Variants in C10orf143 observed in about 807,000 individuals in gnomAD.
C10orf143 encodes the protein chromosome 10 open reading frame 143.
intron 1 of C10orf143, among the ~76,000 whole-genome samples, chr10:130,088,033 ATG>A (rs1332699121): frequency 6.6e-6 from 1 of 152,250 alleles, no homozygotes; most frequent in East Asian, 1.9e-4. Context: ...TATGTATTAC[ATG>A]TGTTAACACG....
At chr10:130,083,708 T>C (rs1861244318) in intron 1 of C10orf143, among the ~76,000 whole-genome samples, 2 of 152,196 alleles carry the variant, frequency 1.3e-5, no homozygotes, top group Non-Finnish European at 2.9e-5. Flanking sequence ...GGACACTATC[T>C]GCTCATTTCT....
intron 3 of C10orf143, among the ~76,000 whole-genome samples, chr10:130,075,711 C>A (rs1241916982): frequency 6.6e-6 from 1 of 152,070 alleles, no homozygotes; most frequent in Non-Finnish European, 1.5e-5. Flanking sequence ...GGGCGGACTT[C>A]CCCTTGCTGT....
chr10:130,060,594 C>T (rs565070576), downstream of C10orf143, among the ~76,000 whole-genome samples: 426 of 145,810 alleles, frequency 2.9e-3, no homozygotes, highest in Non-Finnish European at 5.2e-3. Context: ...GAGGCCAAGG[C>T]GGATGGATCA....
chr10:130,049,535 G>C (rs955701607), intron 3 of C10orf143, among the ~76,000 whole-genome samples: 1 of 152,218 alleles, frequency 6.6e-6, no homozygotes, highest in Non-Finnish European at 1.5e-5. Context: ...CCGGGAAGAT[G>C]CTTGAGTACC....
At chr10:130,063,622 G>T (rs1860881459), downstream of C10orf143, among the ~76,000 whole-genome samples, 3 of 152,182 alleles carry the variant, frequency 2.0e-5, no homozygotes, top group African/African-American at 4.8e-5. Flanking sequence ...TATAGAGGGG[G>T]CTCTTCCCAC....
At chr10:130,053,381 A>G (rs1485872232) in intron 3 of C10orf143, among the ~76,000 whole-genome samples, 1 of 152,198 alleles carries the variant, frequency 6.6e-6, no homozygotes, top group African/African-American at 2.4e-5. Context: ...AAAGTTGCTA[A>G]GTTTTTATAC....
intron 3 of C10orf143, among the ~76,000 whole-genome samples, chr10:130,055,358 G>C (rs1035189781): frequency 3.3e-5 from 5 of 152,136 alleles, no homozygotes; most frequent in Non-Finnish European, 7.3e-5. Context: ...CCACATATCT[G>C]ATAAAAGGTC....
intron 1 of C10orf143, chr10:130,101,280 A>G (rs890231978): frequency 1.3e-5 from 2 of 152,112 alleles, no homozygotes; most frequent in African/African-American, 2.4e-5. Context: ...GATGAAAACT[A>G]TAAACCCAGA....
intron 3 of C10orf143, among the ~76,000 whole-genome samples, chr10:130,055,755 C>T (rs1489036753): frequency 6.6e-6 from 1 of 151,784 alleles, no homozygotes; most frequent in Admixed American, 6.6e-5. Flanking sequence ...ACCAGCCTGG[C>T]CAACATGGTG....
At position 130,039,412 on chromosome 10, in the gene C10orf143, C is replaced by T. The variant is rs145551767; in HGVS notation, c.298-3442G>A. 6.7e-3 allele frequency among the ~76,000 whole-genome samples: 1,025 copies of T among 152,100 alleles called. 8 individuals are homozygous for T. The highest frequency in any genetic ancestry group is 0.01 in the Non-Finnish European group (709 of 68,006). ...AGTGTGAGTCTGAAGACTGGAAAAC[C>T]AGGAGCACCAGCATCCGAGGGCAGG... On this transcript the variant is annotated intron_variant and NMD_transcript_variant, in intron 3 of 5. Transcript: ENST00000643056.
At chr10:130,071,099 A>T (rs1343083953) in intron 3 of C10orf143, among the ~76,000 whole-genome samples, 1 of 152,032 alleles carries the variant, frequency 6.6e-6, no homozygotes, top group African/African-American at 2.4e-5. Context: ...TTGTATTTTT[A>T]GTAGAGATGA....
intron 3 of C10orf143, among the ~76,000 whole-genome samples, chr10:130,070,356 G>A (rs1368473299): frequency 2.0e-5 from 3 of 152,190 alleles, no homozygotes; most frequent in Non-Finnish European, 2.9e-5. Context: ...CCACATGCAC[G>A]TCACAGTGCA....
intron 1 of C10orf143, among the ~76,000 whole-genome samples, chr10:130,084,396 T>C (rs1343837073): frequency 6.6e-6 from 1 of 152,194 alleles, no homozygotes; most frequent in African/African-American, 2.4e-5. Context: ...AATCCTGTAC[T>C]CTAGCTAGTA....
rs572895238 is a variant in C10orf143, at chr10:130,108,212, G to A, written c.69+2492C>T. On this transcript the variant is annotated intron_variant, in intron 1 of 3. Transcript: ENST00000637128. The stretch of plus-strand genomic sequence containing the variant: ...ACCTCCTTTCCCCCCACCTCCTCCA[G>A]GAACCAGGTTTGGAGCTTCTCGAGA... 2.9e-5 allele frequency: 45 copies of A among 1,557,522 alleles called. No homozygotes were observed. The African/African-American group carries it at 6.1e-4, about 21-fold the overall frequency.
At chr10:130,106,733 G>T in intron 1 of C10orf143, 1 of 1,258,434 alleles carries the variant, frequency 7.9e-7, no homozygotes, top group East Asian at 2.3e-5. Flanking sequence ...GCAAGAAGCT[G>T]AAGTATGGAA....
chr10:130,039,374 C>T (rs968797474), intron 3 of C10orf143, among the ~76,000 whole-genome samples: 5 of 152,124 alleles, frequency 3.3e-5, no homozygotes, highest in African/African-American at 4.8e-5. Flanking sequence ...GGGGAGTCCG[C>T]CACGTGAGTC....
chr10:130,047,275 G>A (rs1474894009), intron 3 of C10orf143, among the ~76,000 whole-genome samples: 1 of 152,242 alleles, frequency 6.6e-6, no homozygotes, highest in Non-Finnish European at 1.5e-5. Context: ...TTTCCATGGA[G>A]TAAAGTGCTA....
Position 130,080,410 on chromosome 10 carries a change from G to A in C10orf143, c.70-509C>T, listed in dbSNP as rs1861187205. ...ATAACCTTTGGGAAAGTTAGCATTT[G>A]GTTTTTACTACTATGTGAACTAAAG... On this transcript the variant is annotated intron_variant, in intron 1 of 3. Transcript: ENST00000637128. 2.0e-5 allele frequency among the ~76,000 whole-genome samples: 3 copies of A among 152,186 alleles called. No homozygotes were observed. In the South Asian group the frequency reaches 6.2e-4, roughly 32 times the overall value.
At chr10:130,040,652 G>A (rs969510017) in intron 3 of C10orf143, among the ~76,000 whole-genome samples, 2 of 152,188 alleles carry the variant, frequency 1.3e-5, no homozygotes, top group African/African-American at 4.8e-5. Flanking sequence ...GGCCAACATG[G>A]TGAAATCCTG....
Sources: allele counts gnomAD v4.1 joint callset (sites outside exome capture counted in the v4.1 genomes callset), GRCh38; gene constraint gnomAD v4.1.1; transcripts MANE v1.5; gene names NCBI Gene and HGNC (gene_info 2026-07-23, HGNC 2026-07-21).